The following RIMBP2 variants were observed in gnomAD, a reference collection of about 807,000 sequenced individuals.
The protein encoded by RIMBP2 is RIMS binding protein 2.
A neutral mutation model predicts 118.6 loss-of-function variants in RIMBP2; 48 were observed. The observed-to-expected ratio is 0.40, with a 90% CI of 0.32 to 0.51. The LOEUF is 0.51. Ranked by LOEUF, RIMBP2 falls within the 20% of genes least tolerant of loss-of-function variation. RIMBP2 has a pLI of 0.41. For missense variants in RIMBP2, 1,551 were observed against 1,768.3 expected (o/e 0.88, Z 2.20); for synonymous variants, 762 against 742.9 (o/e 1.03, Z -0.42).
intron 4 of RIMBP2, among the ~76,000 whole-genome samples, chr12:130,490,630 G>A (rs1325652042): frequency 6.6e-6 from 1 of 152,156 alleles, no homozygotes; most frequent in African/African-American, 2.4e-5. Context: ...AGTTCCAGCT[G>A]CCATTTCTCT....
In RIMBP2 at chr12:130,442,433, C is replaced by T. The variant is rs760455191; in HGVS notation, c.919G>A (p.Asp307Asn). 48 of 1,613,994 alleles carry T rather than the reference C, an allele frequency of 3.0e-5. No individual in the cohort carries two copies. The highest frequency in any genetic ancestry group is 9.9e-5 in the South Asian group (9 of 91,066). The change falls in exon 11 of 23, where the codon GAC (aspartate) becomes AAC (asparagine). Residue 307 changes from aspartate (D) to asparagine (N), a missense_variant. Around this residue, in one of 5 missense-constraint regions of RIMBP2, gnomAD observed 265 missense variants for 349.5 expected, o/e 0.76. Transcript: ENST00000690449. The surrounding 1 kb of genome is among the most constrained non-coding windows in gnomAD (Gnocchi z 6.9). ...NSAGTLDVNIDDIGEDIVPYP... is the reference protein window; with the variant it reads ...NSAGTLDVNINDIGEDIVPYP... ...GGCACGATGTCTTCTCCGATGTCGT[C>T]GATGTTCACGTCCAGGGTCCCGGCA... is the stretch of plus-strand genomic sequence containing the variant.
chr12:130,622,631 T>C lies in RIMBP2; in HGVS notation c.-217+5691A>G, dbSNP rs2061387191. ...AAATGAGCCACTGCACCTGGCCTAC[T>C]AGTTATATTTTTCCTAATAATTGTA... is the stretch of plus-strand genomic sequence containing the variant. On this transcript the variant is annotated intron_variant, in intron 2 of 22. Coordinates refer to ENST00000690449, the MANE Select transcript of RIMBP2 (RefSeq NM_001393629.1). This position sits in a 1 kb window ranked among gnomAD's most constrained non-coding sequence, Gnocchi z 8.5. Among the ~76,000 whole-genome samples the C allele has an allele frequency of 6.6e-6, 1 of 152,176 alleles. No homozygotes were observed. The highest frequency in any genetic ancestry group is 1.5e-5 in the Non-Finnish European group (1 of 68,026).
At chr12:130,504,292 C>G (rs146469294) in intron 4 of RIMBP2, among the ~76,000 whole-genome samples, 2 of 152,126 alleles carry the variant, frequency 1.3e-5, no homozygotes, top group Non-Finnish European at 1.5e-5. Context: ...GGCTGTGAGC[C>G]GGCCCTCAGG....
chr12:130,629,031 C>T (rs2061820691), intron 1 of RIMBP2, among the ~76,000 whole-genome samples: 1 of 152,192 alleles, frequency 6.6e-6, no homozygotes, highest in African/African-American at 2.4e-5. Context: ...AACAAAAATT[C>T]CTGTATATCA....
chr12:130,486,106 T>C (rs552453169), intron 4 of RIMBP2, among the ~76,000 whole-genome samples: 1 of 151,946 alleles, frequency 6.6e-6, no homozygotes, highest in African/African-American at 2.4e-5. Flanking sequence ...GCCTCCCATC[T>C]CACACGCTCT....
intron 1 of RIMBP2, among the ~76,000 whole-genome samples, chr12:130,712,881 C>T (rs1397365698): frequency 6.6e-6 from 1 of 152,046 alleles, no homozygotes; most frequent in East Asian, 1.9e-4. Flanking sequence ...CTGTTCTAAT[C>T]GCACAGCCAC....
intron 12 of RIMBP2, 34 bp downstream of exon 12, chr12:130,438,331 A>C: frequency 1.4e-6 from 2 of 1,459,326 alleles, no homozygotes; most frequent in Non-Finnish European, 1.9e-6. Flanking sequence ...TTAGGGCCTA[A>C]CAAACCCTCC....
chr12:130,664,667 C>T (rs2136386055), intron 1 of RIMBP2, among the ~76,000 whole-genome samples: 1 of 151,796 alleles, frequency 6.6e-6, no homozygotes, highest in Admixed American at 6.5e-5. Context: ...TAGGTTGATC[C>T]TACAGCATCT....
chr12:130,478,768 G>A, intron 5 of RIMBP2, 144 bp downstream of exon 5: 1 of 612,848 alleles, frequency 1.6e-6, no homozygotes, highest in Non-Finnish European at 2.9e-6. Flanking sequence ...AAGCAGAAAT[G>A]ACTCTGAATT....
chr12:130,418,310 T>A (rs2136606716), intron 17 of RIMBP2, among the ~76,000 whole-genome samples: 1 of 152,328 alleles, frequency 6.6e-6, no homozygotes. Context: ...TATGATTTTG[T>A]TGATAGTCCA....
intron 11 of RIMBP2, among the ~76,000 whole-genome samples, chr12:130,440,807 CCT>C (rs1460751806): frequency 3.3e-5 from 5 of 152,226 alleles, no homozygotes; most frequent in African/African-American, 9.6e-5. Context: ...CCCACCTACC[CCT>C]GACACCACTG....
chr12:130,438,335 A>AGGGGGGGGGGGGGGGGGGGCCCC, intron 12 of RIMBP2, 30 bp downstream of exon 12: 1 of 865,014 alleles, frequency 1.2e-6, no homozygotes, highest in Non-Finnish European at 1.9e-6. Flanking sequence ...GGCCTAACAA[A>AGGGGGGGGGGGGGGGGGGGCCCC]CCCTCCCCAC....
rs1027409255 is a variant in RIMBP2 at position 130,438,461 on chromosome 12, G to A, written c.1560C>T (p.Thr520=). 6.2e-7 allele frequency: 1 copy of A among 1,612,994 alleles called. No individual in the cohort carries two copies. The change falls in exon 12 of 23, where the codon ACC becomes ACT. Residue 520 remains threonine (T), a synonymous_variant. Coordinates refer to ENST00000690449, the MANE Select transcript of RIMBP2 (RefSeq NM_001393629.1). ...VTVQAGVTPA[T]IRVSWRPPVL... ...CAGGTGGTCTCCAGGAGACCCGGAT[G>A]GTGGCGGGGGTCACCCCAGCCTGGA...
Position 130,623,888 on chromosome 12 carries a change from T to A in RIMBP2, c.-217+4434A>T, listed in dbSNP as rs1486284775. Among the ~76,000 whole-genome samples, 1 of 152,188 alleles carries A rather than the reference T, an allele frequency of 6.6e-6. No individual in the cohort carries two copies. Among genetic ancestry groups the A allele is most frequent in the Admixed American group, 6.5e-5 (1 of 15,274 alleles). ...GTCTCCCAGAGGTTCCACAGCAGGATTGAGTCCCCATCACCCACAGTGGCA... is the reference window on the plus strand; with the variant it reads ...GTCTCCCAGAGGTTCCACAGCAGGAATGAGTCCCCATCACCCACAGTGGCA... On this transcript the variant is annotated intron_variant, in intron 2 of 22. Transcript: ENST00000690449. The surrounding 1 kb of genome is among the most constrained non-coding windows in gnomAD (Gnocchi z 4.1).
chr12:130,474,322 G>A (rs933045313), intron 5 of RIMBP2, among the ~76,000 whole-genome samples: 5 of 152,132 alleles, frequency 3.3e-5, no homozygotes, highest in African/African-American at 4.8e-5. Context: ...ATTTATCCTC[G>A]GTCATCTTAT....
At chr12:130,499,108 G>T in intron 4 of RIMBP2, among the ~76,000 whole-genome samples, 1 of 152,208 alleles carries the variant, frequency 6.6e-6, no homozygotes, top group Admixed American at 6.5e-5. Flanking sequence ...ATGGCAACAG[G>T]AAAGAGCATG....
At chr12:130,554,954 C>G (rs1306615106) in intron 2 of RIMBP2, among the ~76,000 whole-genome samples, 1 of 152,192 alleles carries the variant, frequency 6.6e-6, no homozygotes, top group African/African-American at 2.4e-5. Context: ...AACAGCATTC[C>G]TAAATATTTA....
rs113940457 is a variant in RIMBP2 at position 130,407,694 on chromosome 12, G to A, written c.3693+32C>T. The stretch of plus-strand genomic sequence containing the variant: ...CGAGGGAAGGGAAGGGTGTGGTTGT[G>A]TCCGTCATGAAGTGCAGTGTTTGGC... On this transcript the variant is annotated intron_variant, in intron 20 of 22. Coordinates refer to ENST00000690449, the MANE Select transcript of RIMBP2 (RefSeq NM_001393629.1). The A allele has an allele frequency of 5.4e-4, 836 of 1,537,778 alleles. 4 individuals carry two copies. The African/African-American group carries it at 6.7e-3, about 12-fold the overall frequency.
intron 10 of RIMBP2, among the ~76,000 whole-genome samples, chr12:130,443,238 T>C (rs2078275950): frequency 2.0e-5 from 3 of 148,810 alleles, no homozygotes; most frequent in Admixed American, 2.0e-4. Flanking sequence ...GAACCACAAG[T>C]TGTGTGGCAA....
Sources: allele counts gnomAD v4.1 joint callset (sites outside exome capture counted in the v4.1 genomes callset), GRCh38; gene constraint gnomAD v4.1.1; regional missense constraint gnomAD v4.1.1; non-coding constraint Gnocchi (gnomAD v3.1); transcripts MANE v1.5; gene names NCBI Gene and HGNC (gene_info 2026-07-23, HGNC 2026-07-21).